TPST2: variants seen among roughly 807,000 people sequenced by gnomAD.
The protein encoded by TPST2 is tyrosylprotein sulfotransferase 2.
Under a neutral mutation model 27.8 loss-of-function variants are expected in TPST2, and 16 were observed. The observed-to-expected ratio is 0.58, with a 90% CI of 0.39 to 0.88. TPST2 has a LOEUF of 0.88. Ranked by LOEUF, TPST2 falls within the 40% of genes least tolerant of loss-of-function variation. The probability of loss-of-function intolerance (pLI) is 0.00; values close to 1 mark genes in which losing one functional copy is unlikely to be tolerated. For synonymous variants in TPST2, 229 were observed against 231.7 expected (o/e 0.99, Z 0.10); for missense variants, 464 against 543.1 (o/e 0.85, Z 1.45).
chr22:26,545,195 A>G (rs892604948), intron 1 of TPST2, among the ~76,000 whole-genome samples: 1 of 152,184 alleles, frequency 6.6e-6, no homozygotes, highest in East Asian at 1.9e-4. Flanking sequence ...CCTAACACTG[A>G]CCAAATGCTG....
chr22:26,536,169 C>T (rs769543959), intron 4 of TPST2, 119 bp downstream of exon 4: 2 of 1,289,554 alleles, frequency 1.6e-6, no homozygotes, highest in Admixed American at 2.0e-5. Context: ...CAGACAGGAA[C>T]AAATCAGATG....
At position 26,541,793 on chromosome 22, in the gene TPST2, T is replaced by C; in HGVS notation, c.-88-75A>G. 1 of 1,339,304 alleles carries C rather than the reference T, an allele frequency of 7.5e-7. No homozygotes were observed. The highest frequency in any genetic ancestry group is 9.8e-7 in the Non-Finnish European group (1 of 1,019,500). The allele number at this position is 1,339,304 out of a possible 1,614,324, so 83.0% of individuals were successfully genotyped here. ...GCTCTCCAATAACTGCAAAGCCCTATAACTGCAAACAAGAGGCTGCTGACA... is the reference window on the plus strand; with the variant it reads ...GCTCTCCAATAACTGCAAAGCCCTACAACTGCAAACAAGAGGCTGCTGACA... On this transcript the variant is annotated intron_variant, in intron 2 of 6. Coordinates refer to ENST00000338754, the MANE Select transcript of TPST2 (RefSeq NM_003595.5). This position sits in a 1 kb window ranked among gnomAD's most constrained non-coding sequence, Gnocchi z 5.9.
chr22:26,538,514 G>A (rs570858492), intron 3 of TPST2, among the ~76,000 whole-genome samples: 5 of 152,180 alleles, frequency 3.3e-5, no homozygotes, highest in African/African-American at 4.8e-5. Flanking sequence ...GCAGCCTGTC[G>A]CACAGCTATT....
chr22:26,532,350 A>G (rs1189342429), intron 5 of TPST2, among the ~76,000 whole-genome samples: 2 of 152,180 alleles, frequency 1.3e-5, no homozygotes, highest in Non-Finnish European at 2.9e-5. Flanking sequence ...GCGTGATCTC[A>G]GCTCACTGCG....
rs1924600337 is a variant in TPST2 at position 26,522,403 on chromosome 22, C to G, written c.*3872G>C. ...AATGATGCATGCTGCCCAAGCTGGACAGAGGATGGGCCAGGGCACAAGTGA... is the reference window on the plus strand; with the variant it reads ...AATGATGCATGCTGCCCAAGCTGGAGAGAGGATGGGCCAGGGCACAAGTGA... On this transcript the variant is annotated 3_prime_UTR_variant, in exon 7 of 7. Transcript: ENST00000338754. 1 of 152,172 alleles carries G rather than the reference C, an allele frequency of 6.6e-6. No individual in the cohort carries two copies. The highest frequency in any genetic ancestry group is 2.4e-5 in the African/African-American group (1 of 41,430). The allele number at this position is 152,172 out of a possible 1,614,324, so 9.4% of individuals were successfully genotyped here. A position where few individuals can be genotyped will look rare whatever the true frequency, so the allele number is the denominator to read the frequency against.
chr22:26,580,166 C>T (rs997525402), intron 1 of TPST2, among the ~76,000 whole-genome samples: 2 of 152,060 alleles, frequency 1.3e-5, no homozygotes, highest in African/African-American at 4.8e-5. Flanking sequence ...ATTGCTTGAG[C>T]CCAGGAGTTC....
chr22:26,556,632 C>T lies in TPST2; in HGVS notation c.-160-11957G>A, dbSNP rs1926809702. ...GTTGTCACCTGGAGGAAATGTTAAACTAGGGTCAATAAAGATGTAATTTTC... is the reference window on the plus strand; with the variant it reads ...GTTGTCACCTGGAGGAAATGTTAAATTAGGGTCAATAAAGATGTAATTTTC... On this transcript the variant is annotated intron_variant, in intron 1 of 6. Transcript: ENST00000338754. Among the ~76,000 whole-genome samples, 3 of 152,230 alleles carry T rather than the reference C, an allele frequency of 2.0e-5. 1 individual carries two copies. The South Asian group carries it at 6.2e-4, about 32-fold the overall frequency.
chr22:26,558,858 CA>C (rs1188196936), intron 1 of TPST2, among the ~76,000 whole-genome samples: 1 of 152,096 alleles, frequency 6.6e-6, no homozygotes, highest in Non-Finnish European at 1.5e-5. Context: ...CCATGACAAA[CA>C]AAAAATATAA....
chr22:26,530,112 G>C (rs1311706744), intron 5 of TPST2, among the ~76,000 whole-genome samples: 2 of 152,114 alleles, frequency 1.3e-5, no homozygotes, highest in Non-Finnish European at 2.9e-5. Context: ...TCTCATTTTT[G>C]CACGTTGCCT....
chr22:26,580,297 T>C (rs1928048788), intron 1 of TPST2, among the ~76,000 whole-genome samples: 2 of 152,118 alleles, frequency 1.3e-5, no homozygotes, highest in African/African-American at 2.4e-5. Flanking sequence ...AGATGAGCAC[T>C]AGCAGCAGCC....
At chr22:26,577,646 G>T (rs931687176) in intron 1 of TPST2, among the ~76,000 whole-genome samples, 1 of 142,244 alleles carries the variant, frequency 7.0e-6, no homozygotes, top group Non-Finnish European at 1.5e-5. Context: ...ACTGCACCCG[G>T]CCATTTTTTT....
intron 1 of TPST2, chr22:26,560,597 G>C (rs1219006905): frequency 9.1e-7 from 1 of 1,102,836 alleles, no homozygotes; most frequent in Non-Finnish European, 1.4e-6. Context: ...AAACTTGTCG[G>C]GAGGCGCATA....
At chr22:26,529,181 C>T (rs931070533) in intron 5 of TPST2, among the ~76,000 whole-genome samples, 6 of 150,832 alleles carry the variant, frequency 4.0e-5, no homozygotes, top group East Asian at 2.0e-4. Flanking sequence ...GGATGGAGTG[C>T]GGTGGTGCAA....
intron 1 of TPST2, among the ~76,000 whole-genome samples, chr22:26,581,984 G>A (rs1429449564): frequency 6.6e-6 from 1 of 152,204 alleles, no homozygotes; most frequent in Admixed American, 6.5e-5. Context: ...ACAGGTAGCG[G>A]GCCGGATGTG....
chr22:26,533,367 G>A (rs1925273692), intron 4 of TPST2, among the ~76,000 whole-genome samples: 2 of 152,120 alleles, frequency 1.3e-5, no homozygotes, highest in African/African-American at 2.4e-5. Context: ...CTGCAGTGAA[G>A]TATGATCACA....
rs1240010678 is a variant in TPST2, at chr22:26,528,995, C to CA, written c.1093-734dup. Among the ~76,000 whole-genome samples the CA allele has an allele frequency of 1.8e-3, 218 of 123,204 alleles. 1 individual carries two copies. The highest frequency in any genetic ancestry group is 0.012 in the Middle Eastern group (3 of 258). 80.8% of individuals were successfully genotyped at this position (123,204 alleles called of 152,430 possible). ...AGACTAGGTATCAAAAAAACAAAAA[C>CA]AAAAACAAAAAAAAAACAAAACGTA... On this transcript the variant is annotated intron_variant, in intron 5 of 6. Coordinates refer to ENST00000338754, the MANE Select transcript of TPST2 (RefSeq NM_003595.5).
intron 1 of TPST2, among the ~76,000 whole-genome samples, chr22:26,587,756 A>G (rs1928398937): frequency 6.6e-6 from 1 of 152,132 alleles, no homozygotes; most frequent in Admixed American, 6.5e-5. Flanking sequence ...TGGTAGGAAT[A>G]TAAAATGGTA....
chr22:26,542,169 G>A (rs1925890285), intron 2 of TPST2, among the ~76,000 whole-genome samples: 1 of 151,540 alleles, frequency 6.6e-6, no homozygotes. Context: ...GTGAACCTGG[G>A]AGGCAGAGCT....
intron 1 of TPST2, among the ~76,000 whole-genome samples, chr22:26,577,750 C>A (rs1342176922): frequency 6.6e-6 from 1 of 150,774 alleles, no homozygotes. Context: ...CCTCCATCTC[C>A]CAGGTTCAAG....
Sources: gnomAD v4.1 joint callset for allele counts (sites outside exome capture counted in the v4.1 genomes callset) on GRCh38, gnomAD v4.1.1 for gene constraint, Gnocchi (gnomAD v3.1) non-coding constraint, MANE v1.5 for transcripts, NCBI Gene and HGNC (gene_info 2026-07-23, HGNC 2026-07-21) for gene names.